Variants in SLC25A26 observed in about 807,000 individuals in gnomAD.
The protein encoded by SLC25A26 is mitochondrial S-adenosylmethionine carrier protein.
In SLC25A26, 36 loss-of-function variants were observed where a neutral mutation model predicts 37.8. The ratio of observed to expected loss-of-function variants is 0.95; its 90% confidence interval spans 0.73 to 1.26. The LOEUF (loss-of-function observed/expected upper bound fraction) is 1.26, where lower values mean the gene tolerates loss of function less well. Among genes scored for constraint, SLC25A26 ranks in the 50% most tolerant of loss-of-function variants. SLC25A26 has a pLI of 0.00. For synonymous variants in SLC25A26, 129 were observed against 122.5 expected (o/e 1.05, Z -0.35); for missense variants, 390 against 331.1 (o/e 1.18, Z -1.38).
chr3:66,240,936 C>T (rs939259255), intron 2 of SLC25A26, among the ~76,000 whole-genome samples: 2 of 151,680 alleles, frequency 1.3e-5, no homozygotes, highest in Admixed American at 1.3e-4. Context: ...TTAGTAGAGA[C>T]GGGGTTTCAC....
At chr3:66,278,036 T>A (rs1481331900) in intron 5 of SLC25A26, among the ~76,000 whole-genome samples, 1 of 152,052 alleles carries the variant, frequency 6.6e-6, no homozygotes, top group Non-Finnish European at 1.5e-5. Flanking sequence ...CAGAAAAGAT[T>A]TTGGGAAAAA....
intron 5 of SLC25A26, among the ~76,000 whole-genome samples, chr3:66,320,323 C>T (rs1420348611): frequency 1.3e-5 from 2 of 152,112 alleles, no homozygotes; most frequent in Non-Finnish European, 2.9e-5. Flanking sequence ...GTGATTTTGC[C>T]TGTTCTAGTT....
At chr3:66,333,171 C>T (rs3843351) in intron 5 of SLC25A26, among the ~76,000 whole-genome samples, 11,799 of 152,210 alleles carry the variant, frequency 0.078, 554 homozygotes, top group African/African-American at 0.12. Flanking sequence ...TGTAGAATAA[C>T]ATGAGCTCTT....
chr3:66,226,841 C>T (rs543209356), intron 1 of SLC25A26, among the ~76,000 whole-genome samples: 1 of 147,302 alleles, frequency 6.8e-6, no homozygotes, highest in Non-Finnish European at 1.5e-5. Context: ...CTGGCCCACC[C>T]TAAGAATTTT....
intron 1 of SLC25A26, among the ~76,000 whole-genome samples, chr3:66,222,538 T>A (rs2071550886): frequency 6.6e-6 from 1 of 152,238 alleles, no homozygotes; most frequent in Admixed American, 6.5e-5. Flanking sequence ...AGCAGTAGTT[T>A]GTCAGCTAAC....
intron 1 of SLC25A26, among the ~76,000 whole-genome samples, chr3:66,201,365 G>A (rs932611709): frequency 6.6e-6 from 1 of 151,600 alleles, no homozygotes; most frequent in African/African-American, 2.4e-5. Context: ...TAAAGACAGG[G>A]TCTGTCACCC....
At position 66,264,102 on chromosome 3, in the gene SLC25A26, C is replaced by T. The variant is rs2073647643; in HGVS notation, c.453+723C>T. The stretch of plus-strand genomic sequence containing the variant: ...AACCAACCTGGCCAACATGACGAAA[C>T]CTCGTCTCTACTAAAAATATAAAAA... On this transcript the variant is annotated intron_variant, in intron 5 of 9. Coordinates refer to ENST00000354883, the MANE Select transcript of SLC25A26 (RefSeq NM_001379210.1). 2.6e-5 allele frequency among the ~76,000 whole-genome samples: 4 copies of T among 152,134 alleles called. No individual in the cohort carries two copies. The South Asian group carries it at 8.3e-4, about 32-fold the overall frequency.
chr3:66,340,080 A>G lies in SLC25A26; in HGVS notation c.454-6284A>G, dbSNP rs116783569. Among the ~76,000 whole-genome samples, 874 of 152,008 alleles carry G rather than the reference A, an allele frequency of 5.7e-3. 6 individuals carry two copies. The highest frequency in any genetic ancestry group is 0.019 in the African/African-American group (800 of 41,500). ...CTCATTCTTTTCCATCTGGACATCC[A>G]TTTTTCCCAATATCGTTTGTTGAAA... is the stretch of plus-strand genomic sequence containing the variant. On this transcript the variant is annotated intron_variant, in intron 5 of 9. Transcript: ENST00000354883.
intron 6 of SLC25A26, among the ~76,000 whole-genome samples, chr3:66,353,126 C>T (rs1272012463): frequency 1.3e-5 from 2 of 152,148 alleles, no homozygotes; most frequent in Non-Finnish European, 2.9e-5. Flanking sequence ...ACCTTAAAAC[C>T]AGGGAAGCAG....
chr3:66,190,023 C>T (rs1283294651), intron 1 of SLC25A26, among the ~76,000 whole-genome samples: 1 of 151,942 alleles, frequency 6.6e-6, no homozygotes, highest in African/African-American at 2.4e-5. Flanking sequence ...TAAGAAACTA[C>T]AGTTGAGGCT....
chr3:66,159,867 T>C (rs1369606976), intron 1 of SLC25A26, among the ~76,000 whole-genome samples: 1 of 152,162 alleles, frequency 6.6e-6, no homozygotes, highest in East Asian at 1.9e-4. Flanking sequence ...GCAGCTGTCT[T>C]TCATGACACC....
chr3:66,164,441 T>A (rs771910271), intron 1 of SLC25A26, among the ~76,000 whole-genome samples: 1 of 152,062 alleles, frequency 6.6e-6, no homozygotes, highest in Non-Finnish European at 1.5e-5. Flanking sequence ...TTCTGATATA[T>A]CAGTTTTTTT....
At chr3:66,324,657 T>C (rs1043257465) in intron 5 of SLC25A26, among the ~76,000 whole-genome samples, 1 of 152,156 alleles carries the variant, frequency 6.6e-6, no homozygotes, top group South Asian at 2.1e-4. Flanking sequence ...CCTCCCAAAG[T>C]TAGTTTGGCC....
intron 6 of SLC25A26, among the ~76,000 whole-genome samples, chr3:66,358,559 A>G (rs982209050): frequency 6.6e-6 from 1 of 152,196 alleles, no homozygotes; most frequent in Non-Finnish European, 1.5e-5. Context: ...ATCCAAACCC[A>G]TGTGTTTTCA....
At chr3:66,254,750 A>G (rs1356833369) in intron 3 of SLC25A26, among the ~76,000 whole-genome samples, 3 of 152,272 alleles carry the variant, frequency 2.0e-5, no homozygotes, top group Non-Finnish European at 2.9e-5. Context: ...AGATTGATTT[A>G]TATATAAAAT....
intron 3 of SLC25A26, among the ~76,000 whole-genome samples, chr3:66,259,675 C>T (rs1414755450): frequency 6.6e-6 from 1 of 152,202 alleles, no homozygotes; most frequent in Non-Finnish European, 1.5e-5. Flanking sequence ...ACTGCTATAG[C>T]AGTCTCGTAA....
intron 5 of SLC25A26, among the ~76,000 whole-genome samples, chr3:66,314,792 A>C (rs2075485758): frequency 2.0e-5 from 3 of 150,472 alleles, no homozygotes; most frequent in South Asian, 4.2e-4. Context: ...TTACTGCCTC[A>C]ATTTCAGAAC....
intron 5 of SLC25A26, among the ~76,000 whole-genome samples, chr3:66,282,588 T>C (rs1216870013): frequency 6.6e-6 from 1 of 152,172 alleles, no homozygotes; most frequent in African/African-American, 2.4e-5. Context: ...TTAGAAACTA[T>C]AGGTGTATCA....
At chr3:66,322,837 C>T (rs549379243) in intron 5 of SLC25A26, among the ~76,000 whole-genome samples, 76 of 152,234 alleles carry the variant, frequency 5.0e-4, no homozygotes, top group African/African-American at 1.8e-3. Flanking sequence ...GACCACAGAT[C>T]ATTGATATAA....
Sources: allele counts gnomAD v4.1 joint callset (sites outside exome capture counted in the v4.1 genomes callset), GRCh38; gene constraint gnomAD v4.1.1; transcripts MANE v1.5; gene names NCBI Gene and HGNC (gene_info 2026-07-23, HGNC 2026-07-21).